The following MYLK variants were observed in gnomAD, a reference collection of about 807,000 sequenced individuals.
MYLK encodes myosin light chain kinase, smooth muscle.
Under a neutral mutation model 203.4 loss-of-function variants are expected in MYLK, and 106 were observed. The ratio of observed to expected loss-of-function variants is 0.52; its 90% CI spans 0.45 to 0.61. MYLK has a LOEUF of 0.61. Ranked by LOEUF, MYLK falls within the 20% of genes least tolerant of loss-of-function variation. MYLK has a pLI of 0.00. For missense variants in MYLK, 2,072 were observed against 2,442.3 expected (o/e 0.85, Z 3.20); for synonymous variants, 867 against 959.5 (o/e 0.90, Z 1.78).
intron 19 of MYLK, among the ~76,000 whole-genome samples, chr3:123,690,657 T>A (rs1334273303): frequency 6.6e-6 from 1 of 152,136 alleles, no homozygotes; most frequent in Non-Finnish European, 1.5e-5. Flanking sequence ...TGCTAATATA[T>A]CTGTAAGTAT....
chr3:123,738,028 C>T lies in MYLK; in HGVS notation c.589-485G>A, dbSNP rs534745083. Among the ~76,000 whole-genome samples, 4 of 152,232 alleles carry T rather than the reference C, an allele frequency of 2.6e-5. No homozygotes were observed. The South Asian group carries it at 8.3e-4, about 32-fold the overall frequency. On this transcript the variant is annotated intron_variant, in intron 7 of 33. Transcript: ENST00000360304. ...AACAGCCATCCCCAACCCCATGCCA[C>T]TGCCTCCCTGCCCGCCCACCTCTCC... is the stretch of plus-strand genomic sequence containing the variant.
At chr3:123,678,033 T>C (rs1183823539) in intron 20 of MYLK, among the ~76,000 whole-genome samples, 1 of 151,268 alleles carries the variant, frequency 6.6e-6, no homozygotes, top group African/African-American at 2.4e-5. Flanking sequence ...TGTGAGACCC[T>C]GGACAGGGCA....
intron 2 of MYLK, among the ~76,000 whole-genome samples, chr3:123,836,944 ACTTAATAGAGT>A (rs751291018): frequency 6.6e-6 from 1 of 152,248 alleles, no homozygotes; most frequent in Admixed American, 6.5e-5. Context: ...AACACTTCCT[ACTTAATAGAGT>A]CATTTTCCAA....
intron 18 of MYLK, 83 bp downstream of exon 18, chr3:123,699,937 G>A (rs2061112234): frequency 6.9e-6 from 11 of 1,583,368 alleles, no homozygotes; most frequent in South Asian, 6.7e-5. Context: ...CTGCTAACAG[G>A]GGTCAGCGAG....
chr3:123,636,341 C>A (rs2058643009), intron 29 of MYLK, among the ~76,000 whole-genome samples: 1 of 152,256 alleles, frequency 6.6e-6, no homozygotes, highest in African/African-American at 2.4e-5. Flanking sequence ...GAATCCCTGC[C>A]ATGATCCACT....
intron 3 of MYLK, among the ~76,000 whole-genome samples, chr3:123,830,961 A>G (rs1205095293): frequency 1.3e-5 from 2 of 152,192 alleles, no homozygotes; most frequent in Non-Finnish European, 2.9e-5. Context: ...CTCTACACCT[A>G]TTATCACACA....
chr3:123,729,730 A>T (rs564319928), intron 11 of MYLK, among the ~76,000 whole-genome samples: 117 of 152,014 alleles, frequency 7.7e-4, no homozygotes, highest in African/African-American at 2.7e-3. Flanking sequence ...AAATAAACAA[A>T]ATTAGCTGGG....
chr3:123,827,268 A>C (rs1305339617), intron 3 of MYLK, among the ~76,000 whole-genome samples: 1 of 152,204 alleles, frequency 6.6e-6, no homozygotes, highest in Non-Finnish European at 1.5e-5. Flanking sequence ...CCTAAGTCTT[A>C]GGGGAGAGAT....
At position 123,733,037 on chromosome 3, in the gene MYLK, C is replaced by A; in HGVS notation, c.1375G>T (p.Gly459Cys). 2.5e-6 allele frequency: 4 copies of A among 1,614,194 alleles called. No individual in the cohort carries two copies. Among genetic ancestry groups the A allele is most frequent in the Non-Finnish European group, 3.4e-6 (4 of 1,180,026 alleles). Residue 459 changes from glycine (G) to cysteine (C), a missense_variant, in exon 11 of 34, where the codon GGC (glycine) becomes TGC (cysteine). By Grantham distance (159) the Gly-to-Cys change is radical. Coordinates refer to ENST00000360304, the MANE Select transcript of MYLK (RefSeq NM_053025.4). Reference protein sequence around the residue: ...LEGTPVRRQEGSIEVYEDAGS... With the variant: ...LEGTPVRRQECSIEVYEDAGS... ...GCATCTTCATAAACCTCAATGCTGC[C>A]TTCCTGTCTCCTCACGGGGGTGCCT...
At chr3:123,770,118 C>T (rs1315175508) in intron 4 of MYLK, among the ~76,000 whole-genome samples, 9 of 148,868 alleles carry the variant, frequency 6.0e-5, no homozygotes, top group African/African-American at 2.2e-4. Flanking sequence ...CGAGACGAGG[C>T]TGACCAACAT....
chr3:123,854,873 A>T (rs918260812), intron 2 of MYLK, among the ~76,000 whole-genome samples: 1 of 152,178 alleles, frequency 6.6e-6, no homozygotes, highest in South Asian at 2.1e-4. Context: ...TAGTTTATCT[A>T]GGTATAGTAT....
Position 123,612,845 on chromosome 3 carries a change from C to A in MYLK, c.*1260G>T, listed in dbSNP as rs746863780. On this transcript the variant is annotated 3_prime_UTR_variant, in exon 34 of 34. Coordinates refer to ENST00000360304, the MANE Select transcript of MYLK (RefSeq NM_053025.4). ...AAAAAAGTATTTGGAATGTTACACA[C>A]ACACACAGAGGAAATGTATTAGGTC... is the stretch of plus-strand genomic sequence containing the variant. 1 of 152,622 alleles carries A rather than the reference C, an allele frequency of 6.6e-6. No homozygotes were observed. Among genetic ancestry groups the A allele is most frequent in the African/African-American group, 2.4e-5 (1 of 41,444 alleles). The allele number at this position is 152,622 out of a possible 1,614,324, so 9.5% of individuals were successfully genotyped here.
intron 3 of MYLK, among the ~76,000 whole-genome samples, chr3:123,830,397 T>A (rs1220055515): frequency 6.6e-6 from 1 of 152,188 alleles, no homozygotes; most frequent in Non-Finnish European, 1.5e-5. Flanking sequence ...TTTAAAAAAA[T>A]TCCTTTAATG....
chr3:123,658,355 GC>G (rs2059456728), intron 23 of MYLK, among the ~76,000 whole-genome samples: 1 of 152,178 alleles, frequency 6.6e-6, no homozygotes, highest in Admixed American at 6.5e-5. Context: ...TAGCAGTACT[GC>G]CAACTTCAAG....
chr3:123,775,495 C>T (rs1034941018), intron 4 of MYLK, among the ~76,000 whole-genome samples: 19 of 152,176 alleles, frequency 1.2e-4, no homozygotes, highest in African/African-American at 4.6e-4. Context: ...TGTTGTGCAC[C>T]TATTTTAGAG....
intron 3 of MYLK, among the ~76,000 whole-genome samples, chr3:123,794,077 C>T (rs540562076): frequency 9.4e-4 from 143 of 152,370 alleles, no homozygotes; most frequent in African/African-American, 3.4e-3. Context: ...GTTCCCAGGG[C>T]GATGCCCTGC....
intron 23 of MYLK, among the ~76,000 whole-genome samples, chr3:123,662,215 C>G (rs1017646888): frequency 6.6e-6 from 1 of 152,208 alleles, no homozygotes; most frequent in African/African-American, 2.4e-5. Flanking sequence ...TCTGTACCTA[C>G]TTCACACTCC....
At chr3:123,723,370 A>G (rs1001188212) in intron 12 of MYLK, among the ~76,000 whole-genome samples, 1 of 152,210 alleles carries the variant, frequency 6.6e-6, no homozygotes, top group African/African-American at 2.4e-5. Context: ...TGCATTTCAT[A>G]AAAGTGGGGC....
At chr3:123,744,585 C>G (rs56170590) in intron 5 of MYLK, among the ~76,000 whole-genome samples, 2 of 152,018 alleles carry the variant, frequency 1.3e-5, no homozygotes, top group African/African-American at 4.8e-5. Context: ...TTTTATGATA[C>G]GGGGTTGAGT....
Sources: allele counts gnomAD v4.1 joint callset (sites outside exome capture counted in the v4.1 genomes callset), GRCh38; gene constraint gnomAD v4.1.1; transcripts MANE v1.5; gene names NCBI Gene and HGNC (gene_info 2026-07-23, HGNC 2026-07-21).